SLC7A5: variants seen among roughly 807,000 people sequenced by gnomAD.
SLC7A5 encodes large neutral amino acids transporter small subunit 1.
Under a neutral mutation model 50.2 loss-of-function variants are expected in SLC7A5, and 23 were observed. That is an observed-to-expected ratio of 0.46 (90% CI 0.33 to 0.65). SLC7A5 has a LOEUF of 0.65. Among genes scored for constraint, SLC7A5 ranks in the 30% least tolerant of loss-of-function variants. The probability of loss-of-function intolerance (pLI) is 0.02; values close to 1 mark genes in which losing one functional copy is unlikely to be tolerated. For synonymous variants in SLC7A5, 393 were observed against 330.6 expected, an observed-to-expected ratio of 1.19 and a Z score of -2.05; for missense variants, 578 against 684.4, an observed-to-expected ratio of 0.84 and a Z score of 1.73.
intron 1 of SLC7A5, among the ~76,000 whole-genome samples, chr16:87,868,085 C>T (rs528629524): frequency 6.9e-6 from 1 of 145,826 alleles, no homozygotes; most frequent in East Asian, 2.0e-4. Flanking sequence ...CACTGTACTC[C>T]AGCCTGGGCG....
chr16:87,840,332 G>T, intron 4 of SLC7A5, 97 bp downstream of exon 4: 1 of 1,136,436 alleles, frequency 8.8e-7, no homozygotes, highest in Non-Finnish European at 1.3e-6. Flanking sequence ...CTGTGAACTG[G>T]CCTGAGCCGA....
rs922256125 is a variant in SLC7A5, at chr16:87,833,683, C to A, written c.1469-658G>T. The stretch of plus-strand genomic sequence containing the variant: ...CTGTGTTGCTGCCATCCCGGGAATT[C>A]TCCAAGCCACCCAGTGACATGGGGA... On this transcript the variant is annotated intron_variant, in intron 9 of 9. Transcript: ENST00000261622. This position sits in a 1 kb window ranked among gnomAD's most constrained non-coding sequence, Gnocchi z 6.0. Among the ~76,000 whole-genome samples, 1 of 152,250 alleles carries A rather than the reference C, an allele frequency of 6.6e-6. No homozygotes were observed. The highest frequency in any genetic ancestry group is 1.9e-4 in the East Asian group (1 of 5,174).
intron 8 of SLC7A5, 35 bp from the exon 9 acceptor site, chr16:87,834,626 C>T: frequency 1.5e-5 from 24 of 1,558,492 alleles, no homozygotes; most frequent in Non-Finnish European, 2.1e-5. Flanking sequence ...TGAGCCCTCT[C>T]CTGTCCAGCC....
At chr16:87,835,938 T>C (rs967236490) in intron 8 of SLC7A5, among the ~76,000 whole-genome samples, 13 of 152,226 alleles carry the variant, frequency 8.5e-5, no homozygotes, top group Non-Finnish European at 1.0e-4. Context: ...TCTGGCCTCT[T>C]GTTCTGTGTC....
At position 87,861,194 on chromosome 16, in the gene SLC7A5, C is replaced by T. The variant is rs2143824626; in HGVS notation, c.538+7691G>A. On this transcript the variant is annotated intron_variant, in intron 1 of 9. Transcript: ENST00000261622. The surrounding 1 kb of genome is among the most constrained non-coding windows in gnomAD (Gnocchi z 4.2). ...AGGTGATGCTCCAGGGAGGGCCAGG[C>T]CTACTGGGGGGCAGAACCCTGTGGC... is the stretch of plus-strand genomic sequence containing the variant. Among the ~76,000 whole-genome samples the T allele has an allele frequency of 6.6e-6, 1 of 152,292 alleles. No individual in the cohort carries two copies. Among genetic ancestry groups the T allele is most frequent in the East Asian group, 1.9e-4 (1 of 5,168 alleles).
chr16:87,866,050 ATT>A (rs1306504821), intron 1 of SLC7A5, among the ~76,000 whole-genome samples: 2 of 149,412 alleles, frequency 1.3e-5, no homozygotes, highest in African/African-American at 2.5e-5. Flanking sequence ...CCCTTTTCCC[ATT>A]TGCACAAAGC....
At chr16:87,859,990 C>G (rs1166018110) in intron 1 of SLC7A5, among the ~76,000 whole-genome samples, 1 of 152,010 alleles carries the variant, frequency 6.6e-6, no homozygotes, top group Non-Finnish European at 1.5e-5. Context: ...ATACTCCTTT[C>G]TATTGATACC....
rs923967020 is a variant in SLC7A5, at chr16:87,862,223, G to C, written c.538+6662C>G. ...AGGTGCTGGATACCCCAGCGGTTGG[G>C]GGGGTGGTGCTGGACACCCAGGGGG... On this transcript the variant is annotated intron_variant, in intron 1 of 9. Transcript: ENST00000261622. The surrounding 1 kb of genome is among the most constrained non-coding windows in gnomAD (Gnocchi z 5.3). 6.6e-6 allele frequency among the ~76,000 whole-genome samples: 1 copy of C among 152,164 alleles called. No individual in the cohort carries two copies. Among genetic ancestry groups the C allele is most frequent in the Admixed American group, 6.5e-5 (1 of 15,278 alleles).
intron 1 of SLC7A5, among the ~76,000 whole-genome samples, chr16:87,866,270 A>T (rs1339673488): frequency 6.6e-6 from 1 of 152,114 alleles, no homozygotes; most frequent in African/African-American, 2.4e-5. Context: ...TAAATAGGCC[A>T]GCGATATATT....
chr16:87,838,297 T>G (rs2055038238), intron 6 of SLC7A5, among the ~76,000 whole-genome samples: 1 of 87,046 alleles, frequency 1.1e-5, no homozygotes, highest in Non-Finnish European at 2.5e-5. Flanking sequence ...CTGCCTTTTT[T>G]TTTTTTTTTT....
intron 3 of SLC7A5, 53 bp downstream of exon 3, chr16:87,840,997 C>T (rs368351361): frequency 9.5e-6 from 12 of 1,262,132 alleles, no homozygotes; most frequent in Admixed American, 6.7e-5. Context: ...TTCCTGGACA[C>T]GTCAGGGACT....
Position 87,852,638 on chromosome 16 carries a change from CTGTGTG to C in SLC7A5, c.539-795_539-790del, listed in dbSNP as rs61164920. On this transcript the variant is annotated intron_variant, in intron 1 of 9. Transcript: ENST00000261622. The surrounding 1 kb of genome is among the most constrained non-coding windows in gnomAD (Gnocchi z 4.5). ...CTGTAAGGCACCCAGCTCTGAGCCT[CTGTGTG>C]TGTGTGTGTGTGTGTGTGTGTGTGT... Among the ~76,000 whole-genome samples, 8,435 of 116,680 alleles carry C rather than the reference CTGTGTG, an allele frequency of 0.072. 344 individuals are homozygous for C. Among genetic ancestry groups the C allele is most frequent in the South Asian group, 0.15 (499 of 3,262 alleles). The allele number at this position is 116,680 out of a possible 152,430, so 76.5% of individuals were successfully genotyped here.
intron 1 of SLC7A5, among the ~76,000 whole-genome samples, chr16:87,864,445 G>A (rs1372574537): frequency 6.6e-6 from 1 of 152,094 alleles, no homozygotes; most frequent in Non-Finnish European, 1.5e-5. Context: ...GCTCCAGGCT[G>A]CCCCCTGCAC....
rs781123466 is a variant in SLC7A5 at position 87,862,484 on chromosome 16, G to T, written c.538+6401C>A. Among the ~76,000 whole-genome samples, 1 of 152,248 alleles carries T rather than the reference G, an allele frequency of 6.6e-6. No homozygotes were observed. The highest frequency in any genetic ancestry group is 2.4e-5 in the African/African-American group (1 of 41,460). ...CCCCGACCCTGGGCCTGTGCCGAGC[G>T]TGGGTGGGTGACATCATCTCGCACC... On this transcript the variant is annotated intron_variant, in intron 1 of 9. Transcript: ENST00000261622. This position sits in a 1 kb window ranked among gnomAD's most constrained non-coding sequence, Gnocchi z 5.3.
At chr16:87,867,574 G>C (rs2143841971) in intron 1 of SLC7A5, among the ~76,000 whole-genome samples, 2 of 149,836 alleles carry the variant, frequency 1.3e-5, no homozygotes, top group African/African-American at 4.9e-5. Context: ...CCCCCCCAAA[G>C]TACGGTGTGG....
chr16:87,833,079 G>T lies in SLC7A5; in HGVS notation c.1469-54C>A. 1 of 1,480,914 alleles carries T rather than the reference G, an allele frequency of 6.8e-7. No homozygotes were observed. Among genetic ancestry groups the T allele is most frequent in the Non-Finnish European group, 9.4e-7 (1 of 1,059,336 alleles). The allele number at this position is 1,480,914 out of a possible 1,614,324, so 91.7% of individuals were successfully genotyped here. A position where few individuals can be genotyped will look rare whatever the true frequency, so the allele number is the denominator to read the frequency against. On this transcript the variant is annotated intron_variant, in intron 9 of 9. Coordinates refer to ENST00000261622, the MANE Select transcript of SLC7A5 (RefSeq NM_003486.7). This position sits in a 1 kb window ranked among gnomAD's most constrained non-coding sequence, Gnocchi z 6.0. Reference sequence around the variant, plus strand: ...CCTGGGGGCTGGGTAGGCACCCGTGGGACACGGGGGCGTGAGCTGGGGCTC... The same window carrying T: ...CCTGGGGGCTGGGTAGGCACCCGTGTGACACGGGGGCGTGAGCTGGGGCTC...
intron 2 of SLC7A5, among the ~76,000 whole-genome samples, chr16:87,844,214 G>C (rs2055118680): frequency 6.6e-6 from 1 of 152,190 alleles, no homozygotes. Flanking sequence ...TCTTCCTCAG[G>C]GGCTGGTGGA....
chr16:87,836,024 G>A (rs991305759), intron 8 of SLC7A5, among the ~76,000 whole-genome samples: 1 of 152,344 alleles, frequency 6.6e-6, no homozygotes, highest in East Asian at 1.9e-4. Flanking sequence ...TTTTGGAGAA[G>A]GCAGCCCACG....
intron 1 of SLC7A5, among the ~76,000 whole-genome samples, chr16:87,858,883 G>T (rs1350366711): frequency 2.0e-5 from 3 of 152,208 alleles, no homozygotes; most frequent in African/African-American, 7.2e-5. Context: ...CTAAGGCCAG[G>T]GCCTCTCCCC....
Sources: gnomAD v4.1 joint callset for allele counts (sites outside exome capture counted in the v4.1 genomes callset) on GRCh38, gnomAD v4.1.1 for gene constraint, Gnocchi (gnomAD v3.1) non-coding constraint, MANE v1.5 for transcripts, NCBI Gene and HGNC (gene_info 2026-07-23, HGNC 2026-07-21) for gene names.